FHIT: variants seen among roughly 807,000 people sequenced by gnomAD.
FHIT encodes fragile histidine triad diadenosine triphosphatase.
FHIT carries 19 observed loss-of-function variants against 17.9 expected under a neutral mutation model. That is an observed-to-expected ratio of 1.06 (90% CI 0.74 to 1.56). The LOEUF (loss-of-function observed/expected upper bound fraction) is 1.56, where lower values mean the gene tolerates loss of function less well. Among genes scored for constraint, FHIT ranks in the 40% most tolerant of loss-of-function variants. The pLI, the probability that FHIT is intolerant of heterozygous loss-of-function variation, is 0.00. For missense variants in FHIT, 248 were observed against 189.2 expected (o/e 1.31, Z -1.82); for synonymous variants, 81 against 69.7 (o/e 1.16, Z -0.81).
chr3:61,037,316 C>A (rs2033305983), intron 3 of FHIT, among the ~76,000 whole-genome samples: 1 of 152,088 alleles, frequency 6.6e-6, no homozygotes, highest in Non-Finnish European at 1.5e-5. Flanking sequence ...TAGCTAAAAT[C>A]CACCCAGGGA....
At chr3:60,118,272 C>G (rs922447753) in intron 5 of FHIT, among the ~76,000 whole-genome samples, 5 of 150,644 alleles carry the variant, frequency 3.3e-5, no homozygotes, top group African/African-American at 4.9e-5. Context: ...ATATCCAGCT[C>G]ATTTTTAATT....
At chr3:60,510,788 G>T (rs1439510568) in intron 5 of FHIT, among the ~76,000 whole-genome samples, 1 of 151,736 alleles carries the variant, frequency 6.6e-6, no homozygotes. Context: ...TTAAATTTAA[G>T]GTTTTAGCAC....
rs139656719 is a variant in FHIT at position 60,332,022 on chromosome 3, T to A, written c.103+204838A>T. Among the ~76,000 whole-genome samples, 120 of 152,166 alleles carry A rather than the reference T, an allele frequency of 7.9e-4. 2 individuals carry two copies. In the East Asian group the frequency reaches 0.021, roughly 26 times the overall value. On this transcript the variant is annotated intron_variant, in intron 5 of 9. Transcript: ENST00000492590. ...CATGTACACAAAAATGAGGGGTGTA[T>A]CCAACAAGGGAGCTGCAAACTAGAA...
At chr3:60,463,341 A>C (rs1040572507) in intron 5 of FHIT, among the ~76,000 whole-genome samples, 3 of 152,326 alleles carry the variant, frequency 2.0e-5, no homozygotes, top group South Asian at 4.1e-4. Flanking sequence ...TTATTTCCCT[A>C]AAGAGAACAT....
intron 3 of FHIT, among the ~76,000 whole-genome samples, chr3:60,931,946 G>A (rs1268424961): frequency 6.6e-6 from 1 of 152,142 alleles, no homozygotes; most frequent in Non-Finnish European, 1.5e-5. Flanking sequence ...CAGAGCACAA[G>A]GGTGTGATAT....
At chr3:60,747,939 C>T (rs1465071054) in intron 4 of FHIT, among the ~76,000 whole-genome samples, 7 of 152,168 alleles carry the variant, frequency 4.6e-5, no homozygotes, top group African/African-American at 1.7e-4. Context: ...AAAAAATGTG[C>T]AAGTGCATCT....
At chr3:60,397,835 T>C (rs1701509336) in intron 5 of FHIT, among the ~76,000 whole-genome samples, 1 of 152,204 alleles carries the variant, frequency 6.6e-6, no homozygotes, top group Non-Finnish European at 1.5e-5. Context: ...ATTTTACATA[T>C]ACCTACCCTT....
intron 5 of FHIT, among the ~76,000 whole-genome samples, chr3:60,381,108 A>G (rs554049476): frequency 6.6e-6 from 1 of 152,254 alleles, no homozygotes; most frequent in East Asian, 1.9e-4. Flanking sequence ...TATATTACCC[A>G]TATATTGTAT....
chr3:60,919,192 T>C (rs1707155575), intron 3 of FHIT, among the ~76,000 whole-genome samples: 1 of 152,140 alleles, frequency 6.6e-6, no homozygotes, highest in Non-Finnish European at 1.5e-5. Flanking sequence ...AGGACTGTGG[T>C]TTCCCAATTT....
chr3:60,326,797 T>C (rs1171563419), intron 5 of FHIT, among the ~76,000 whole-genome samples: 1 of 152,254 alleles, frequency 6.6e-6, no homozygotes, highest in African/African-American at 2.4e-5. Context: ...TCCTGTGCTG[T>C]GACCCACATC....
intron 5 of FHIT, among the ~76,000 whole-genome samples, chr3:60,308,226 TTTC>T (rs1708772536): frequency 6.6e-6 from 1 of 152,106 alleles, no homozygotes; most frequent in African/African-American, 2.4e-5. Flanking sequence ...AAAGCCTCAG[TTTC>T]TTCATTTGTC....
At chr3:60,605,822 G>A (rs1207398647) in intron 4 of FHIT, among the ~76,000 whole-genome samples, 1 of 152,204 alleles carries the variant, frequency 6.6e-6, no homozygotes, top group Non-Finnish European at 1.5e-5. Context: ...TTTAGAAACT[G>A]ACCATCACAG....
At chr3:60,321,645 T>C (rs904471917) in intron 5 of FHIT, among the ~76,000 whole-genome samples, 2 of 152,228 alleles carry the variant, frequency 1.3e-5, no homozygotes, top group Non-Finnish European at 2.9e-5. Flanking sequence ...CCTCTCTCTG[T>C]ATATATTTAA....
At chr3:59,765,821 A>G (rs573485500) in intron 8 of FHIT, among the ~76,000 whole-genome samples, 6 of 152,360 alleles carry the variant, frequency 3.9e-5, no homozygotes, top group South Asian at 2.1e-4. Context: ...GAATCTAGTA[A>G]TGACCAACAT....
intron 3 of FHIT, among the ~76,000 whole-genome samples, chr3:60,887,558 G>A (rs13068401): frequency 0.25 from 38,672 of 151,698 alleles, 5,643 homozygotes; most frequent in African/African-American, 0.39. Flanking sequence ...AGGCAGGAGA[G>A]TCGCTTGAAC....
intron 4 of FHIT, among the ~76,000 whole-genome samples, chr3:60,559,471 G>C (rs893084230): frequency 6.6e-6 from 1 of 152,050 alleles, no homozygotes; most frequent in Non-Finnish European, 1.5e-5. Context: ...GTCCCCTCTT[G>C]CCTTGATGCA....
intron 3 of FHIT, among the ~76,000 whole-genome samples, chr3:60,847,345 G>A (rs1210732871): frequency 6.9e-6 from 1 of 144,006 alleles, no homozygotes; most frequent in Non-Finnish European, 1.6e-5. Flanking sequence ...GCACATTTTA[G>A]GCATGGTGAA....
chr3:60,748,856 A>G (rs1280016035), intron 4 of FHIT, among the ~76,000 whole-genome samples: 1 of 152,206 alleles, frequency 6.6e-6, no homozygotes, highest in African/African-American at 2.4e-5. Context: ...TATAACACCT[A>G]ATACAATCTA....
intron 5 of FHIT, among the ~76,000 whole-genome samples, chr3:60,496,047 AG>A (rs2034288240): frequency 6.6e-6 from 1 of 152,192 alleles, no homozygotes; most frequent in African/African-American, 2.4e-5. Flanking sequence ...TTAATACATT[AG>A]AAAAATATGA....
Sources: gnomAD v4.1 joint callset for allele counts (sites outside exome capture counted in the v4.1 genomes callset) on GRCh38, gnomAD v4.1.1 for gene constraint, MANE v1.5 for transcripts, NCBI Gene and HGNC (gene_info 2026-07-23, HGNC 2026-07-21) for gene names.